TLK1: variants seen among roughly 807,000 people sequenced by gnomAD.
TLK1 encodes tousled like kinase 1, also known as serine/threonine-protein kinase tousled-like 1.
In TLK1, 24 loss-of-function variants were observed where a neutral mutation model predicts 105.3. The observed-to-expected ratio is 0.23, with a 90% CI of 0.17 to 0.32. The LOEUF (loss-of-function observed/expected upper bound fraction) is 0.32, where lower values mean the gene tolerates loss of function less well. Among genes scored for constraint, TLK1 ranks in the 10% least tolerant of loss-of-function variants. The pLI is 1.00. For missense variants in TLK1, 558 were observed against 910.5 expected (o/e 0.61, Z 4.98); for synonymous variants, 321 against 310.4 (o/e 1.03, Z -0.36).
At chr2:171,010,220 T>C (rs1684845519) in intron 14 of TLK1, among the ~76,000 whole-genome samples, 1 of 151,908 alleles carries the variant, frequency 6.6e-6, no homozygotes. Flanking sequence ...GCTTATAATA[T>C]GTGAGGGGAG....
chr2:171,217,670 A>G (rs1476489674), intron 1 of TLK1, among the ~76,000 whole-genome samples: 2 of 152,232 alleles, frequency 1.3e-5, no homozygotes, highest in Non-Finnish European at 2.9e-5. Flanking sequence ...ATGAAAGCTT[A>G]TAAAGGTACT....
intron 1 of TLK1, among the ~76,000 whole-genome samples, chr2:171,119,677 C>T (rs1390950714): frequency 6.6e-6 from 1 of 152,136 alleles, no homozygotes; most frequent in Admixed American, 6.5e-5. Context: ...TAAACCCTCA[C>T]GTGAAATGAT....
At chr2:171,060,465 G>A (rs954133317) in intron 4 of TLK1, among the ~76,000 whole-genome samples, 4 of 152,316 alleles carry the variant, frequency 2.6e-5, no homozygotes, top group African/African-American at 9.6e-5. Context: ...CACAGCCATA[G>A]ATCTTATGGC....
At chr2:171,140,485 T>G (rs191226638) in intron 1 of TLK1, among the ~76,000 whole-genome samples, 1 of 152,198 alleles carries the variant, frequency 6.6e-6, no homozygotes, top group Admixed American at 6.6e-5. Flanking sequence ...GCAAAACATC[T>G]GAAAGCCTCA....
intron 2 of TLK1, among the ~76,000 whole-genome samples, chr2:171,098,432 G>A (rs867759720): frequency 3.9e-5 from 6 of 152,174 alleles, no homozygotes; most frequent in South Asian, 2.1e-4. Flanking sequence ...TAAATAATCT[G>A]AATAGTCCTT....
intron 12 of TLK1, among the ~76,000 whole-genome samples, chr2:171,022,383 T>C (rs1685569728): frequency 6.6e-6 from 1 of 151,816 alleles, no homozygotes; most frequent in Non-Finnish European, 1.5e-5. Context: ...GCACAAATTG[T>C]AAAGTTAGAA....
intron 1 of TLK1, among the ~76,000 whole-genome samples, chr2:171,198,288 C>T (rs961469654): frequency 1.1e-4 from 16 of 152,066 alleles, no homozygotes; most frequent in Admixed American, 9.2e-4. Context: ...AATGTGTAAG[C>T]GCATTTAATA....
In TLK1 at chr2:171,199,510, TA is replaced by T. The variant is rs71013024; in HGVS notation, c.-6+31634del. Among the ~76,000 whole-genome samples the T allele has an allele frequency of 5.8e-4, 85 of 147,332 alleles. 1 individual carries two copies. The highest frequency in any genetic ancestry group is 8.1e-4 in the African/African-American group (32 of 39,434). On this transcript the variant is annotated intron_variant, in intron 1 of 20. Transcript: ENST00000521943. Reference sequence around the variant, plus strand: ...CCTGGGTGACAGAGTGAGACCTGGTTAAAAAAAAAAAAAAATCAGAAACAAA... The same window carrying T: ...CCTGGGTGACAGAGTGAGACCTGGTTAAAAAAAAAAAAAATCAGAAACAAA...
chr2:171,081,645 G>GTAA (rs761012277), intron 3 of TLK1: 1 of 1,303,942 alleles, frequency 7.7e-7, no homozygotes, highest in East Asian at 5.5e-5. Flanking sequence ...CTTACCTCAA[G>GTAA]GGAACCTACT....
chr2:171,135,574 G>T (rs1691282775), intron 1 of TLK1, among the ~76,000 whole-genome samples: 1 of 151,964 alleles, frequency 6.6e-6, no homozygotes, highest in African/African-American at 2.4e-5. Flanking sequence ...GCCGAGGAGG[G>T]TGGATCACCT....
chr2:170,996,523 C>T (rs1383886626), intron 20 of TLK1, 130 bp downstream of exon 20: 4 of 578,310 alleles, frequency 6.9e-6, no homozygotes, highest in Non-Finnish European at 1.2e-5. Flanking sequence ...AAATCACCAG[C>T]CCCTGCTGGA....
intron 3 of TLK1, among the ~76,000 whole-genome samples, chr2:171,069,208 GA>G (rs1688144035): frequency 6.6e-6 from 1 of 152,120 alleles, no homozygotes; most frequent in Non-Finnish European, 1.5e-5. Flanking sequence ...TAGTTATATG[GA>G]AAGATTATAA....
At chr2:171,032,344 C>A (rs540603218) in intron 11 of TLK1, among the ~76,000 whole-genome samples, 1 of 151,936 alleles carries the variant, frequency 6.6e-6, no homozygotes. Context: ...TAGAAAATCC[C>A]CAAAAAATGC....
At chr2:171,093,722 A>G (rs1365302476) in intron 2 of TLK1, among the ~76,000 whole-genome samples, 3 of 152,160 alleles carry the variant, frequency 2.0e-5, no homozygotes, top group Admixed American at 6.5e-5. Flanking sequence ...AGGAGAATCA[A>G]TAAGTTAGAA....
At chr2:171,184,656 A>T (rs186696569) in intron 1 of TLK1, among the ~76,000 whole-genome samples, 2 of 149,988 alleles carry the variant, frequency 1.3e-5, no homozygotes, top group Admixed American at 1.3e-4. Flanking sequence ...AAAAAAAAAA[A>T]AAAGAAAGAA....
chr2:171,211,435 A>AAATAT (rs1330266461), intron 1 of TLK1, among the ~76,000 whole-genome samples: 1 of 152,224 alleles, frequency 6.6e-6, no homozygotes, highest in Non-Finnish European at 1.5e-5. Context: ...AATACACCAG[A>AAATAT]AATATAATAT....
chr2:171,156,214 C>T (rs1205968714), intron 1 of TLK1, among the ~76,000 whole-genome samples: 1 of 152,194 alleles, frequency 6.6e-6, no homozygotes, highest in East Asian at 1.9e-4. Flanking sequence ...ACCAAAACAT[C>T]ATAACAGACT....
chr2:171,082,912 A>C, intron 2 of TLK1, 60 bp from the exon 3 acceptor site: 1 of 1,139,496 alleles, frequency 8.8e-7, no homozygotes, highest in Non-Finnish European at 1.3e-6. Flanking sequence ...CAGCGGGAAT[A>C]ATTTTAAACA....
chr2:171,086,312 G>A (rs1688970177), intron 2 of TLK1, among the ~76,000 whole-genome samples: 1 of 152,102 alleles, frequency 6.6e-6, no homozygotes, highest in African/African-American at 2.4e-5. Flanking sequence ...CAGAATCTAA[G>A]TACAAGACAA....
Sources: allele counts gnomAD v4.1 joint callset (sites outside exome capture counted in the v4.1 genomes callset), GRCh38; gene constraint gnomAD v4.1.1; transcripts MANE v1.5; gene names NCBI Gene and HGNC (gene_info 2026-07-23, HGNC 2026-07-21).